MAP4K4: variants seen among roughly 807,000 people sequenced by gnomAD.
MAP4K4 encodes the protein HPK/GCK-like kinase HGK.
Under a neutral mutation model 189.6 loss-of-function variants are expected in MAP4K4, and 38 were observed. That is an observed-to-expected ratio of 0.20 (90% confidence interval 0.15 to 0.26). The LOEUF is 0.26. Among genes scored for constraint, MAP4K4 ranks in the 10% least tolerant of loss-of-function variants. MAP4K4 has a pLI of 1.00. For synonymous variants in MAP4K4, 610 were observed against 624.3 expected (o/e 0.98, Z 0.34); for missense variants, 1,054 against 1,726.9 (o/e 0.61, Z 6.91).
chr2:101,851,419 A>G (rs548646321), intron 12 of MAP4K4, among the ~76,000 whole-genome samples: 1 of 152,310 alleles, frequency 6.6e-6, no homozygotes, highest in African/African-American at 2.4e-5. Flanking sequence ...GTTATTTGCA[A>G]TCATAGGCAT....
At chr2:101,812,172 G>C (rs1576032958) in intron 3 of MAP4K4, among the ~76,000 whole-genome samples, 1 of 152,098 alleles carries the variant, frequency 6.6e-6, no homozygotes, top group African/African-American at 2.4e-5. Flanking sequence ...TGACAACTCC[G>C]TTCTTTTTCC....
At chr2:101,877,349 G>A (rs1261881571) in intron 27 of MAP4K4, among the ~76,000 whole-genome samples, 2 of 152,198 alleles carry the variant, frequency 1.3e-5, no homozygotes, top group Non-Finnish European at 2.9e-5. Flanking sequence ...TCCGAAAGCA[G>A]TCTTGAGAAG....
At chr2:101,871,640 C>G in exon 24 of MAP4K4, 9 of 1,536,860 alleles carry the variant, frequency 5.9e-6, no homozygotes, top group Non-Finnish European at 7.8e-6. Flanking sequence ...AGCCGACACC[C>G]ACCATGTCCC....
rs1446413696 is a variant in MAP4K4 at position 101,729,099 on chromosome 2, A to AGTGT, written c.123+30562_123+30563insTGTG. ...AGAGGAGAGAGAGAGAGAGAGAGAG[A>AGTGT]GAGTGTGTGTGTGTGTGTGTGTGTG... On this transcript the variant is annotated intron_variant, in intron 2 of 32. Coordinates refer to ENST00000324219, the Ensembl canonical transcript of MAP4K4. Among the ~76,000 whole-genome samples the AGTGT allele has an allele frequency of 6.1e-3, 344 of 56,658 alleles. 1 individual carries two copies. The highest frequency in any genetic ancestry group is 0.051 in the Middle Eastern group (5 of 98). The allele number at this position is 56,658 out of a possible 152,430, so 37.2% of individuals were successfully genotyped here. A position where few individuals can be genotyped will look rare whatever the true frequency, so the allele number is the denominator to read the frequency against.
chr2:101,882,896 A>G (rs2098422073), intron 28 of MAP4K4, among the ~76,000 whole-genome samples: 1 of 152,136 alleles, frequency 6.6e-6, no homozygotes, highest in African/African-American at 2.4e-5. Flanking sequence ...GTGCACCTAT[A>G]TGCATAACAG....
At chr2:101,865,576 A>T (rs1212164583) in intron 18 of MAP4K4, among the ~76,000 whole-genome samples, 1 of 152,218 alleles carries the variant, frequency 6.6e-6, no homozygotes, top group Non-Finnish European at 1.5e-5. Flanking sequence ...TGGAAACTTC[A>T]TTCCTTAGTG....
intron 13 of MAP4K4, among the ~76,000 whole-genome samples, chr2:101,857,730 C>G (rs555709315): frequency 6.6e-6 from 1 of 152,268 alleles, no homozygotes; most frequent in South Asian, 2.1e-4. Flanking sequence ...CACACCCCCC[C>G]AGTTGGCTTT....
chr2:101,874,059 A>C, intron 25 of MAP4K4, 23 bp from the exon 26 acceptor site: 1 of 1,605,834 alleles, frequency 6.2e-7, no homozygotes, highest in African/African-American at 1.3e-5. Flanking sequence ...ACAGAAAATA[A>C]TTTCAAATAT....
chr2:101,698,161 C>CGCGGGGA (rs2035356237), intron 1 of MAP4K4, 24 bp downstream of exon 1: 4 of 1,111,794 alleles, frequency 3.6e-6, no homozygotes, highest in East Asian at 1.4e-4. Flanking sequence ...CGAGCGGGCG[C>CGCGGGGA]GCGGGGAGCG....
intron 12 of MAP4K4, among the ~76,000 whole-genome samples, chr2:101,846,876 G>T (rs578019246): frequency 3.9e-5 from 6 of 152,278 alleles, no homozygotes; most frequent in African/African-American, 1.2e-4. Flanking sequence ...TACACTCCAG[G>T]TCTGAGGAAG....
At chr2:101,875,364 C>A (rs2098169094) in intron 26 of MAP4K4, among the ~76,000 whole-genome samples, 1 of 151,314 alleles carries the variant, frequency 6.6e-6, no homozygotes, top group East Asian at 1.9e-4. Flanking sequence ...AGTTGTACAG[C>A]ATTTTTTTTT....
chr2:101,780,946 A>G (rs549903113), intron 2 of MAP4K4, among the ~76,000 whole-genome samples: 1 of 152,158 alleles, frequency 6.6e-6, no homozygotes, highest in East Asian at 1.9e-4. Flanking sequence ...AAAATGGGAA[A>G]TTTTTCTTGC....
rs1229415122 is a variant in MAP4K4 at position 101,861,049 on chromosome 2, C to T, written c.1866+63C>T. 6.9e-6 allele frequency: 10 copies of T among 1,441,194 alleles called. No individual in the cohort carries two copies. The South Asian group carries it at 1.3e-4, about 19-fold the overall frequency. 89.3% of individuals were successfully genotyped at this position (1,441,194 alleles called of 1,614,324 possible). On this transcript the variant is annotated intron_variant, in intron 16 of 32. Coordinates refer to ENST00000324219, the Ensembl canonical transcript of MAP4K4. ...ATGCAACGGCTCGCTGAGCCGCAGG[C>T]CTGCTGTAATATCACAGTTTAGTTT...
intron 5 of MAP4K4, among the ~76,000 whole-genome samples, chr2:101,826,881 T>C (rs2096383558): frequency 6.6e-6 from 1 of 152,134 alleles, no homozygotes; most frequent in African/African-American, 2.4e-5. Flanking sequence ...GTTGTCATTG[T>C]TCTTTGTTTT....
intron 9 of MAP4K4, among the ~76,000 whole-genome samples, chr2:101,837,869 T>G (rs2096805647): frequency 6.6e-6 from 1 of 152,206 alleles, no homozygotes; most frequent in Non-Finnish European, 1.5e-5. Flanking sequence ...TAGACAGCAA[T>G]GAATGCTTCC....
At chr2:101,830,095 C>T (rs1224246472) in intron 6 of MAP4K4, among the ~76,000 whole-genome samples, 3 of 152,036 alleles carry the variant, frequency 2.0e-5, no homozygotes, top group Admixed American at 6.5e-5. Context: ...TTTGAAGTCA[C>T]AGTTTTTTTT....
chr2:101,762,351 G>A (rs1025532379), intron 2 of MAP4K4, among the ~76,000 whole-genome samples: 6 of 152,212 alleles, frequency 3.9e-5, no homozygotes, highest in African/African-American at 1.4e-4. Flanking sequence ...CCTGGCATAG[G>A]TAGCCCAGTT....
At chr2:101,894,435 A>G (rs777832368) in exon 33 of MAP4K4, 6 of 152,784 alleles carry the variant, frequency 3.9e-5, no homozygotes, top group Non-Finnish European at 8.8e-5. Context: ...GTTTATTTTA[A>G]GTGACTTTTT....
At chr2:101,760,969 C>CT (rs770849303) in intron 2 of MAP4K4, among the ~76,000 whole-genome samples, 6 of 152,140 alleles carry the variant, frequency 3.9e-5, no homozygotes, top group Non-Finnish European at 7.3e-5. Flanking sequence ...CGCCATTGCA[C>CT]TCCAGTGTGG....
Sources: gnomAD v4.1 joint callset for allele counts (sites outside exome capture counted in the v4.1 genomes callset) on GRCh38, gnomAD v4.1.1 for gene constraint, MANE v1.5 for transcripts, NCBI Gene and HGNC (gene_info 2026-07-23, HGNC 2026-07-21) for gene names.